Variants in NTM observed in about 807,000 individuals in gnomAD.
NTM encodes IgLON family member 2.
A neutral mutation model predicts 42.1 loss-of-function variants in NTM; 13 were observed. The ratio of observed to expected loss-of-function variants is 0.31; its 90% CI spans 0.20 to 0.49. The LOEUF (loss-of-function observed/expected upper bound fraction) is 0.49. Ranked by LOEUF, NTM falls within the 20% of genes least tolerant of loss-of-function variation. The probability of loss-of-function intolerance (pLI) is 0.99; values close to 1 mark genes in which losing one functional copy is unlikely to be tolerated. For missense variants in NTM, 373 were observed against 452.8 expected (o/e 0.82, Z 1.60); for synonymous variants, 187 against 179.2 (o/e 1.04, Z -0.35).
chr11:131,439,402 C>T (rs1949419794), intron 1 of NTM, among the ~76,000 whole-genome samples: 1 of 152,240 alleles, frequency 6.6e-6, no homozygotes, highest in Admixed American at 6.5e-5. Context: ...CAGCTATGCC[C>T]TACCCACAAA....
chr11:132,085,147 A>G (rs2059545228), intron 2 of NTM, among the ~76,000 whole-genome samples: 1 of 152,224 alleles, frequency 6.6e-6, no homozygotes, highest in South Asian at 2.1e-4. Context: ...TTAAAGCAAT[A>G]TTTTATCCCA....
intron 1 of NTM, among the ~76,000 whole-genome samples, chr11:131,513,799 A>G (rs371761575): frequency 7.9e-5 from 12 of 152,304 alleles, no homozygotes; most frequent in African/African-American, 2.6e-4. Flanking sequence ...TCCCTGGCAG[A>G]CTGAGATTCA....
intron 4 of NTM, among the ~76,000 whole-genome samples, chr11:132,217,134 G>C (rs2084011571): frequency 6.6e-6 from 1 of 152,046 alleles, no homozygotes; most frequent in Admixed American, 6.5e-5. Context: ...GTGCCTTGCT[G>C]TACCAAGTAC....
intron 1 of NTM, among the ~76,000 whole-genome samples, chr11:131,415,090 C>T (rs1946810521): frequency 6.6e-6 from 1 of 152,152 alleles, no homozygotes; most frequent in Non-Finnish European, 1.5e-5. Flanking sequence ...AATCCAATAG[C>T]AGGCCATCTG....
chr11:131,566,668 G>A (rs540067784), intron 1 of NTM, among the ~76,000 whole-genome samples: 19 of 152,298 alleles, frequency 1.2e-4, no homozygotes, highest in African/African-American at 4.1e-4. Flanking sequence ...AGCCAAATGC[G>A]GCACAACTTT....
intron 1 of NTM, among the ~76,000 whole-genome samples, chr11:131,684,188 G>A (rs1278444135): frequency 6.6e-6 from 1 of 152,144 alleles, no homozygotes; most frequent in Non-Finnish European, 1.5e-5. Flanking sequence ...CTGAGGCACG[G>A]GCCCCGGGGA....
chr11:132,026,928 C>T (rs1220823203), intron 2 of NTM, among the ~76,000 whole-genome samples: 1 of 152,204 alleles, frequency 6.6e-6, no homozygotes, highest in East Asian at 1.9e-4. Context: ...TCCTTCTGTC[C>T]TTCCGACACC....
intron 4 of NTM, among the ~76,000 whole-genome samples, chr11:132,259,155 C>G (rs1456465869): frequency 6.6e-6 from 1 of 152,098 alleles, no homozygotes; most frequent in Non-Finnish European, 1.5e-5. Flanking sequence ...TCTCTCCCCA[C>G]AAATATATGA....
chr11:131,431,028 T>A (rs1343488642), intron 1 of NTM, among the ~76,000 whole-genome samples: 2 of 152,250 alleles, frequency 1.3e-5, no homozygotes, highest in African/African-American at 2.4e-5. Context: ...CATATTAGCT[T>A]GATTTGCAGC....
At chr11:131,924,274 G>C (rs2057642577) in intron 2 of NTM, among the ~76,000 whole-genome samples, 1 of 152,178 alleles carries the variant, frequency 6.6e-6, no homozygotes, top group African/African-American at 2.4e-5. Context: ...GGGCCAAGGT[G>C]ACCTGGCTTT....
At chr11:131,838,216 C>T (rs1041363567) in intron 1 of NTM, among the ~76,000 whole-genome samples, 6 of 152,030 alleles carry the variant, frequency 3.9e-5, no homozygotes, top group South Asian at 2.1e-4. Context: ...ACAGGTCCTG[C>T]GCATGCTCAG....
chr11:132,024,795 A>G (rs1201105409), intron 2 of NTM, among the ~76,000 whole-genome samples: 4 of 152,102 alleles, frequency 2.6e-5, no homozygotes, highest in Non-Finnish European at 5.9e-5. Context: ...TCACTTGCAT[A>G]TTAGCCTTAG....
intron 4 of NTM, among the ~76,000 whole-genome samples, chr11:132,215,899 A>G (rs2083752933): frequency 6.6e-6 from 1 of 152,210 alleles, no homozygotes; most frequent in Admixed American, 6.5e-5. Context: ...CTCCATCCAC[A>G]TGAAGGCTTA....
intron 1 of NTM, among the ~76,000 whole-genome samples, chr11:131,675,722 A>G (rs768944074): frequency 6.6e-6 from 1 of 152,134 alleles, no homozygotes. Context: ...TGAGTACAAA[A>G]TTCCACAGAG....
chr11:132,084,109 C>T (rs569717079), intron 2 of NTM, among the ~76,000 whole-genome samples: 18 of 152,028 alleles, frequency 1.2e-4, no homozygotes, highest in Middle Eastern at 3.4e-3. Context: ...TCCTTTATTC[C>T]GATGTCACAA....
At chr11:132,068,660 G>A (rs936390481) in intron 2 of NTM, among the ~76,000 whole-genome samples, 2 of 152,224 alleles carry the variant, frequency 1.3e-5, no homozygotes, top group Non-Finnish European at 2.9e-5. Flanking sequence ...ATCTGCATCA[G>A]TCAGGGTTAA....
intron 4 of NTM, among the ~76,000 whole-genome samples, chr11:132,252,574 G>T (rs1297320185): frequency 6.6e-6 from 1 of 152,246 alleles, no homozygotes; most frequent in African/African-American, 2.4e-5. Flanking sequence ...GGCCAGAGAT[G>T]TAGATGGGTA....
intron 1 of NTM, among the ~76,000 whole-genome samples, chr11:131,394,179 G>T (rs551676558): frequency 6.6e-6 from 1 of 152,262 alleles, no homozygotes; most frequent in African/African-American, 2.4e-5. Flanking sequence ...ATACAACATC[G>T]TCCAGAAGTG....
At chr11:131,703,386 A>C (rs2076262533) in intron 1 of NTM, among the ~76,000 whole-genome samples, 1 of 152,266 alleles carries the variant, frequency 6.6e-6, no homozygotes, top group African/African-American at 2.4e-5. Flanking sequence ...AAAATGTAGA[A>C]GTAAATACAA....
Sources: allele counts gnomAD v4.1 joint callset (sites outside exome capture counted in the v4.1 genomes callset), GRCh38; gene constraint gnomAD v4.1.1; transcripts MANE v1.5; gene names NCBI Gene and HGNC (gene_info 2026-07-23, HGNC 2026-07-21).